Variants in CADPS observed in about 807,000 individuals in gnomAD.
CADPS encodes calcium dependent secretion activator.
A neutral mutation model predicts 167.3 loss-of-function variants in CADPS; 57 were observed. The observed-to-expected ratio is 0.34, with a 90% confidence interval of 0.28 to 0.42. The LOEUF is 0.42. CADPS is among the 20% of genes least tolerant of loss of function. CADPS has a pLI of 1.00. For missense variants in CADPS, 1,414 were observed against 1,738.1 expected (o/e 0.81, Z 3.32); for synonymous variants, 676 against 635.3 (o/e 1.06, Z -0.96).
intron 1 of CADPS, among the ~76,000 whole-genome samples, chr3:62,853,829 G>T (rs1179440859): frequency 6.6e-6 from 1 of 151,910 alleles, no homozygotes; most frequent in Non-Finnish European, 1.5e-5. Context: ...GGTGGTGCGT[G>T]CCTGTATTCC....
At chr3:62,481,642 G>T in intron 22 of CADPS, 81 bp downstream of exon 22, 2 of 1,239,694 alleles carry the variant, frequency 1.6e-6, no homozygotes, top group South Asian at 1.5e-5. Flanking sequence ...CTGTTATATA[G>T]GATGTATAGA....
chr3:62,413,422 C>A (rs1052402293), intron 28 of CADPS, among the ~76,000 whole-genome samples: 1 of 152,100 alleles, frequency 6.6e-6, no homozygotes, highest in Non-Finnish European at 1.5e-5. Context: ...TATATACATA[C>A]AATGGAATAT....
intron 3 of CADPS, among the ~76,000 whole-genome samples, chr3:62,700,797 A>G (rs563613715): frequency 2.6e-5 from 4 of 152,248 alleles, no homozygotes; most frequent in Admixed American, 2.6e-4. Flanking sequence ...AGTTAGTAGT[A>G]GAAGCAGCAT....
intron 6 of CADPS, among the ~76,000 whole-genome samples, chr3:62,604,228 A>G (rs1255235640): frequency 6.6e-6 from 1 of 152,066 alleles, no homozygotes; most frequent in Non-Finnish European, 1.5e-5. Flanking sequence ...TTCAGTGGCC[A>G]TTTCTGCTCT....
At chr3:62,809,045 T>C (rs1209211683) in intron 1 of CADPS, among the ~76,000 whole-genome samples, 1 of 152,156 alleles carries the variant, frequency 6.6e-6, no homozygotes, top group Admixed American at 6.6e-5. Flanking sequence ...CATCGTCAAG[T>C]TCTGTTGAGT....
At chr3:62,617,536 C>A (rs1578903201) in intron 6 of CADPS, among the ~76,000 whole-genome samples, 1 of 152,212 alleles carries the variant, frequency 6.6e-6, no homozygotes, top group East Asian at 1.9e-4. Context: ...TTCCCACTTT[C>A]AAGGGGGCTC....
At chr3:62,608,523 C>T (rs930914949) in intron 6 of CADPS, among the ~76,000 whole-genome samples, 1 of 152,084 alleles carries the variant, frequency 6.6e-6, no homozygotes, top group Non-Finnish European at 1.5e-5. Flanking sequence ...AAGTGATTCA[C>T]CCACCTCGGC....
Position 62,525,440 on chromosome 3 carries a change from G to C in CADPS, c.2292-7190C>G, listed in dbSNP as rs575425174. 1.1e-3 allele frequency among the ~76,000 whole-genome samples: 173 copies of C among 152,232 alleles called. 1 individual carries two copies. Among genetic ancestry groups the C allele is most frequent in the African/African-American group, 3.9e-3 (164 of 41,566 alleles). On this transcript the variant is annotated intron_variant, in intron 13 of 29. Transcript: ENST00000383710. Reference sequence around the variant, plus strand: ...TCAGCCATGTGCAAGGCCTGTACTTGCTCAGAATTGGAAGGCCAGCCAGCA... The same window carrying C: ...TCAGCCATGTGCAAGGCCTGTACTTCCTCAGAATTGGAAGGCCAGCCAGCA...
chr3:62,556,994 AACACACAC>A (rs56228621), intron 10 of CADPS, among the ~76,000 whole-genome samples: 9,057 of 143,138 alleles, frequency 0.063, 320 homozygotes, highest in East Asian at 0.1. Context: ...GGTGAAAAAC[AACACACAC>A]ACACACACAC....
chr3:62,699,239 G>A (rs890476478), intron 3 of CADPS, among the ~76,000 whole-genome samples: 2 of 151,780 alleles, frequency 1.3e-5, no homozygotes, highest in Admixed American at 1.3e-4. Context: ...GTCTCACTAT[G>A]TTGCCCAGGC....
chr3:62,761,582 T>C (rs2085449619), intron 2 of CADPS, among the ~76,000 whole-genome samples: 1 of 152,032 alleles, frequency 6.6e-6, no homozygotes, highest in Non-Finnish European at 1.5e-5. Flanking sequence ...AATTTGAGTT[T>C]TGTAAAACTT....
At chr3:62,742,466 A>G (rs1444808579) in intron 3 of CADPS, among the ~76,000 whole-genome samples, 1 of 152,202 alleles carries the variant, frequency 6.6e-6, no homozygotes, top group East Asian at 1.9e-4. Flanking sequence ...ACCCAAAAAT[A>G]AGACTTTACA....
In CADPS at chr3:62,755,486, G is replaced by A. The variant is rs558246874; in HGVS notation, c.556-1713C>T. On this transcript the variant is annotated intron_variant, in intron 2 of 29. Coordinates refer to ENST00000383710, the MANE Select transcript of CADPS (RefSeq NM_003716.4). ...GCATAAATATCCTTCAAGAGGCAGA[G>A]CAAATGTTCATTCCCCTGTCAGATT... 2.0e-5 allele frequency among the ~76,000 whole-genome samples: 3 copies of A among 152,312 alleles called. No individual in the cohort carries two copies. The East Asian group carries it at 5.8e-4, about 29-fold the overall frequency.
intron 1 of CADPS, among the ~76,000 whole-genome samples, chr3:62,834,649 A>G (rs531326602): frequency 1.4e-4 from 22 of 152,270 alleles, no homozygotes; most frequent in African/African-American, 5.1e-4. Flanking sequence ...ATATTCCTAC[A>G]TATGTCTGCT....
chr3:62,714,614 G>C (rs906164420), intron 3 of CADPS, among the ~76,000 whole-genome samples: 3 of 152,094 alleles, frequency 2.0e-5, no homozygotes, highest in African/African-American at 7.2e-5. Context: ...AAAACATAAG[G>C]TACTCACTTA....
At chr3:62,566,029 C>T (rs2080115931) in intron 9 of CADPS, among the ~76,000 whole-genome samples, 1 of 152,166 alleles carries the variant, frequency 6.6e-6, no homozygotes, top group South Asian at 2.1e-4. Flanking sequence ...TGTATTAAAT[C>T]ATAATTGTGT....
intron 3 of CADPS, among the ~76,000 whole-genome samples, chr3:62,710,241 G>A (rs933567674): frequency 1.3e-5 from 2 of 151,966 alleles, no homozygotes; most frequent in Non-Finnish European, 2.9e-5. Context: ...GCGTCTAGGT[G>A]GTTCTCAATC....
intron 3 of CADPS, among the ~76,000 whole-genome samples, chr3:62,695,732 A>T (rs1465390608): frequency 6.6e-6 from 1 of 152,188 alleles, no homozygotes; most frequent in Middle Eastern, 3.4e-3. Flanking sequence ...ATGCAGTGGC[A>T]TGATCATGGC....
In CADPS at chr3:62,736,708, A is replaced by G. The variant is rs536719499; in HGVS notation, c.888+16733T>C. Reference sequence around the variant, plus strand: ...AATTAGATAGAAAGACTGAGGAAACAATGCTAGAATATGAAAAGAAGTCCT... The same window carrying G: ...AATTAGATAGAAAGACTGAGGAAACGATGCTAGAATATGAAAAGAAGTCCT... On this transcript the variant is annotated intron_variant, in intron 3 of 29. Coordinates refer to ENST00000383710, the MANE Select transcript of CADPS (RefSeq NM_003716.4). Among the ~76,000 whole-genome samples, 3 of 152,354 alleles carry G rather than the reference A, an allele frequency of 2.0e-5. No individual in the cohort carries two copies. In the East Asian group the frequency reaches 5.8e-4, roughly 29 times the overall value.
Sources: allele counts gnomAD v4.1 joint callset (sites outside exome capture counted in the v4.1 genomes callset), GRCh38; gene constraint gnomAD v4.1.1; transcripts MANE v1.5; gene names NCBI Gene and HGNC (gene_info 2026-07-23, HGNC 2026-07-21).